Variants in NEDD4 observed in about 807,000 individuals in gnomAD.
NEDD4 encodes the protein E3 ubiquitin-protein ligase NEDD4.
In NEDD4, 99 loss-of-function variants were observed where a neutral mutation model predicts 144.9. The observed-to-expected ratio is 0.68, with a 90% CI of 0.58 to 0.81. The LOEUF is 0.81. Ranked by LOEUF, NEDD4 falls within the 30% of genes least tolerant of loss-of-function variation. NEDD4 has a pLI of 0.00. For synonymous variants in NEDD4, 318 were observed against 350.6 expected (o/e 0.91, Z 1.04); for missense variants, 985 against 1,065.9 (o/e 0.92, Z 1.06).
intron 1 of NEDD4, among the ~76,000 whole-genome samples, chr15:55,980,790 A>AGG (rs2037785641): frequency 6.7e-6 from 1 of 148,174 alleles, no homozygotes; most frequent in African/African-American, 2.5e-5. Context: ...GTGTGTGTGT[A>AGG]GGGGTGTGTG....
rs1020957263 is a variant in NEDD4 at position 55,852,421 on chromosome 15, T to C, written c.1146+3A>G. On this transcript the variant is annotated splice_donor_region_variant and intron_variant, in intron 13 of 28. Transcript: ENST00000435532. ...GAAAGCAAGTTGATAGATTACAGGATACCTGTACAGTGGGCTTTGTCCAAG... is the reference window on the plus strand; with the variant it reads ...GAAAGCAAGTTGATAGATTACAGGACACCTGTACAGTGGGCTTTGTCCAAG... 3.9e-5 allele frequency: 62 copies of C among 1,608,274 alleles called. No homozygotes were observed. The highest frequency in any genetic ancestry group is 4.8e-5 in the Non-Finnish European group (56 of 1,176,778).
chr15:55,849,294 A>C (rs1475195899), intron 14 of NEDD4, among the ~76,000 whole-genome samples: 1 of 152,052 alleles, frequency 6.6e-6, no homozygotes, highest in African/African-American at 2.4e-5. Flanking sequence ...GCACCATCTC[A>C]GCTCAATGCA....
At chr15:55,915,703 A>C in intron 5 of NEDD4, 7 of 1,614,020 alleles carry the variant, frequency 4.3e-6, no homozygotes, top group Non-Finnish European at 5.9e-6. Context: ...AAATGCACTG[A>C]AACACAAGAA....
chr15:55,957,027 A>G (rs956954701), intron 2 of NEDD4, among the ~76,000 whole-genome samples: 17 of 152,154 alleles, frequency 1.1e-4, no homozygotes, highest in Non-Finnish European at 2.2e-4. Flanking sequence ...TGTTGTATTT[A>G]TTTCTAAATA....
rs537033403 is a variant in NEDD4, at chr15:55,966,671, A to G, written c.46-125T>C. 3.6e-5 allele frequency: 16 copies of G among 446,470 alleles called. No individual in the cohort carries two copies. The East Asian group carries it at 4.2e-4, about 12-fold the overall frequency. 27.7% of individuals were successfully genotyped at this position (446,470 alleles called of 1,614,324 possible). A position where few individuals can be genotyped will look rare whatever the true frequency, so the allele number is the denominator to read the frequency against. On this transcript the variant is annotated intron_variant, in intron 1 of 28. Transcript: ENST00000435532. ...AAAATTAATTGAAGAATCTTTTTCA[A>G]TAATTAATTTTATTAAAAGTTACAC...
intron 5 of NEDD4, among the ~76,000 whole-genome samples, chr15:55,905,824 G>C (rs181915540): frequency 6.6e-6 from 1 of 152,138 alleles, no homozygotes; most frequent in African/African-American, 2.4e-5. Context: ...TCTGTAGGTT[G>C]CCTGTTCACT....
intron 1 of NEDD4, among the ~76,000 whole-genome samples, chr15:55,985,300 G>A (rs1287571490): frequency 1.3e-5 from 2 of 152,236 alleles, no homozygotes; most frequent in Admixed American, 6.5e-5. Context: ...TGTGGAGTGA[G>A]GGTGAATTTC....
intron 1 of NEDD4, among the ~76,000 whole-genome samples, chr15:55,986,481 G>A (rs916520505): frequency 1.3e-5 from 2 of 151,326 alleles, no homozygotes; most frequent in Admixed American, 1.3e-4. Flanking sequence ...TATGATTCCT[G>A]CCAAGAGAGC....
intron 8 of NEDD4, among the ~76,000 whole-genome samples, chr15:55,866,702 C>G (rs2034599558): frequency 6.6e-6 from 1 of 151,958 alleles, no homozygotes; most frequent in African/African-American, 2.4e-5. Flanking sequence ...TTTATATTAT[C>G]TGAGTAAATT....
intron 2 of NEDD4, among the ~76,000 whole-genome samples, chr15:55,962,342 A>C (rs1467583791): frequency 6.6e-6 from 1 of 152,142 alleles, no homozygotes; most frequent in Non-Finnish European, 1.5e-5. Context: ...CATCTGTCTC[A>C]TATTTATTTT....
intron 4 of NEDD4, among the ~76,000 whole-genome samples, chr15:55,941,128 C>T (rs1352671841): frequency 3.3e-5 from 5 of 152,060 alleles, no homozygotes; most frequent in African/African-American, 1.2e-4. Flanking sequence ...CTCTGTCTCT[C>T]TCATATAAGG....
At chr15:55,939,235 T>A (rs1043015936) in intron 4 of NEDD4, among the ~76,000 whole-genome samples, 1 of 152,166 alleles carries the variant, frequency 6.6e-6, no homozygotes, top group African/African-American at 2.4e-5. Flanking sequence ...TGGGAGGTGA[T>A]TGGATCACGG....
At chr15:55,894,686 A>G (rs1420390163) in intron 5 of NEDD4, among the ~76,000 whole-genome samples, 2 of 152,204 alleles carry the variant, frequency 1.3e-5, no homozygotes, top group Admixed American at 6.5e-5. Flanking sequence ...CAGACTTGTG[A>G]AAACAGATGA....
intron 5 of NEDD4, among the ~76,000 whole-genome samples, chr15:55,883,059 C>A (rs2142095957): frequency 6.6e-6 from 1 of 152,278 alleles, no homozygotes; most frequent in South Asian, 2.1e-4. Context: ...AGCTTGGCCA[C>A]AGTAGGGTAG....
chr15:55,928,605 A>C (rs4296197), intron 4 of NEDD4, among the ~76,000 whole-genome samples: 10,539 of 152,242 alleles, frequency 0.069, 475 homozygotes, highest in Non-Finnish European at 0.1. Flanking sequence ...GAGCATGTTA[A>C]GGTCTATCCA....
intron 4 of NEDD4, among the ~76,000 whole-genome samples, chr15:55,927,857 C>G (rs775097388): frequency 1.3e-5 from 2 of 152,094 alleles, no homozygotes; most frequent in Non-Finnish European, 2.9e-5. Context: ...GGGAGGGAGA[C>G]AGGGCTATAG....
intron 5 of NEDD4, among the ~76,000 whole-genome samples, chr15:55,923,785 T>C (rs189050033): frequency 6.6e-6 from 1 of 151,974 alleles, no homozygotes; most frequent in South Asian, 2.1e-4. Context: ...TTACCATTTC[T>C]TGAGGGCAAA....
At chr15:55,915,804 G>A (rs775281778) in intron 5 of NEDD4, 14 of 1,613,542 alleles carry the variant, frequency 8.7e-6, no homozygotes, top group African/African-American at 4.0e-5. Flanking sequence ...CCTGTGAAGC[G>A]GCCGTATGTC....
At position 55,981,876 on chromosome 15, in the gene NEDD4, T is replaced by C. The variant is rs4774839; in HGVS notation, c.45+11635A>G. Among the ~76,000 whole-genome samples the C allele has an allele frequency of 2.9e-3, 438 of 152,356 alleles. 10 individuals carry two copies. Among genetic ancestry groups the C allele is most frequent in the East Asian group, 0.024 (123 of 5,188 alleles). On this transcript the variant is annotated intron_variant, in intron 1 of 28. Transcript: ENST00000435532. The stretch of plus-strand genomic sequence containing the variant: ...GGGGTAGGAAAGAAAACTGCTGCAG[T>C]TAACGTGGTTATGGAAGTATTCCTC...
Sources: gnomAD v4.1 joint callset for allele counts (sites outside exome capture counted in the v4.1 genomes callset) on GRCh38, gnomAD v4.1.1 for gene constraint, MANE v1.5 for transcripts, NCBI Gene and HGNC (gene_info 2026-07-23, HGNC 2026-07-21) for gene names.